RIIAD1: variants seen among roughly 807,000 people sequenced by gnomAD.
The protein encoded by RIIAD1 is RIIa domain-containing protein 1.
Under a neutral mutation model 13.3 loss-of-function variants are expected in RIIAD1, and 15 were observed. The observed-to-expected ratio is 1.13, with a 90% CI of 0.76 to 1.74. The LOEUF (loss-of-function observed/expected upper bound fraction) is 1.74. RIIAD1 is among the 40% of genes most tolerant of loss of function. The pLI is 0.00. For missense variants in RIIAD1, 121 were observed against 112.2 expected (o/e 1.08, Z -0.35); for synonymous variants, 50 against 43.3 (o/e 1.16, Z -0.61).
At chr1:151,715,696 C>T (rs116265747) in intron 4 of RIIAD1, 90,006 of 1,539,692 alleles carry the variant, frequency 0.058, 3,076 homozygotes, top group Non-Finnish European at 0.068. Context: ...AGTCCTTCAC[C>T]GGGGTTTCCT....
chr1:151,715,795 G>C (rs114505252), intron 4 of RIIAD1: 185 of 1,593,762 alleles, frequency 1.2e-4, no homozygotes, highest in Non-Finnish European at 1.4e-4. Flanking sequence ...CTTCCCAGCC[G>C]CTCCACCCCT....
chr1:151,722,747 C>G lies in RIIAD1; in HGVS notation c.161+585C>G, dbSNP rs1368580798. Among the ~76,000 whole-genome samples, 22 of 152,268 alleles carry G rather than the reference C, an allele frequency of 1.4e-4. 1 individual carries two copies. The East Asian group carries it at 4.2e-3, about 29-fold the overall frequency. On this transcript the variant is annotated intron_variant, in intron 2 of 4. Coordinates refer to ENST00000479191, the MANE Select transcript of RIIAD1 (RefSeq NM_001144956.3). ...ACCCATCTCCAGGCATTGTGCTGTT[C>G]CCCTACATTAGCACTTACCACACTG...
At chr1:151,719,928 G>A (rs1673706120), upstream of RIIAD1, among the ~76,000 whole-genome samples, 1 of 152,162 alleles carries the variant, frequency 6.6e-6, no homozygotes, top group Non-Finnish European at 1.5e-5. Flanking sequence ...TGAGTGTGTA[G>A]GTTTGCTGGT....
upstream of RIIAD1, among the ~76,000 whole-genome samples, chr1:151,717,982 G>A (rs937248080): frequency 6.6e-6 from 1 of 152,054 alleles, no homozygotes; most frequent in African/African-American, 2.4e-5. Flanking sequence ...CTTTCTGTCA[G>A]TGCTCAGCAA....
At chr1:151,714,301 C>T (rs1450969769) in intron 3 of RIIAD1, 1 of 580,342 alleles carries the variant, frequency 1.7e-6, no homozygotes. Context: ...CACCTTCCAA[C>T]CAGCGAGTCC....
intron 2 of RIIAD1, among the ~76,000 whole-genome samples, chr1:151,724,374 C>T (rs1196427291): frequency 1.3e-5 from 2 of 152,222 alleles, no homozygotes; most frequent in Non-Finnish European, 2.9e-5. Context: ...TGTTTGGTGT[C>T]ATTGTTCCCT....
chr1:151,715,855 T>G lies in RIIAD1; in HGVS notation c.21+1326T>G, dbSNP rs746905068. On this transcript the variant is annotated intron_variant, in intron 4 of 8. Coordinates refer to the RIIAD1 transcript ENST00000326413. ...CCTCCCAGCCCACCCCGAAGCCTCT[T>G]CAGCCTGCCCGACCCCTCACCCTTG... is the stretch of plus-strand genomic sequence containing the variant. 5.0e-6 allele frequency: 8 copies of G among 1,606,470 alleles called. No individual in the cohort carries two copies. The South Asian group carries it at 8.9e-5, about 18-fold the overall frequency.
At chr1:151,717,740 T>G (rs1673592712), upstream of RIIAD1, among the ~76,000 whole-genome samples, 1 of 152,240 alleles carries the variant, frequency 6.6e-6, no homozygotes, top group Non-Finnish European at 1.5e-5. Flanking sequence ...TGCTTCTTTC[T>G]TCAGTTGGGT....
chr1:151,721,826 A>G (rs1285125371), intron 1 of RIIAD1: 2 of 578,138 alleles, frequency 3.5e-6, no homozygotes, highest in East Asian at 5.6e-5. Context: ...GAGTGCAGGA[A>G]GAACTAACTC....
intron 2 of RIIAD1, among the ~76,000 whole-genome samples, chr1:151,724,717 G>C (rs558229059): frequency 6.6e-6 from 1 of 152,256 alleles, no homozygotes; most frequent in South Asian, 2.1e-4. Context: ...GAAAGAGTAG[G>C]AATCTGACTT....
At chr1:151,717,594 T>A (rs1286225360), upstream of RIIAD1, among the ~76,000 whole-genome samples, 1 of 152,228 alleles carries the variant, frequency 6.6e-6, no homozygotes, top group African/African-American at 2.4e-5. Context: ...CCTGTCTTGC[T>A]CATGCGTAGC....
chr1:151,718,980 C>T (rs914106070), upstream of RIIAD1, among the ~76,000 whole-genome samples: 7 of 152,168 alleles, frequency 4.6e-5, no homozygotes, highest in African/African-American at 1.7e-4. Context: ...TGCCGCCCTG[C>T]TGCTCATTCA....
chr1:151,715,912 T>C, intron 4 of RIIAD1: 2 of 1,614,076 alleles, frequency 1.2e-6, no homozygotes, highest in Non-Finnish European at 1.7e-6. Context: ...TTGATGACAG[T>C]CAGCTCAAAG....
chr1:151,719,609 G>A (rs1298073123), upstream of RIIAD1: 1 of 702,816 alleles, frequency 1.4e-6, no homozygotes. Context: ...GAAGACATCT[G>A]CAGCAGAATT....
At chr1:151,716,854 A>G (rs1362055653), upstream of RIIAD1, 2 of 435,044 alleles carry the variant, frequency 4.6e-6, no homozygotes, top group Non-Finnish European at 9.4e-6. Context: ...CCCTGACATC[A>G]GTGATGTCAG....
intron 4 of RIIAD1, chr1:151,715,696 CG>C: frequency 6.5e-7 from 1 of 1,539,812 alleles, no homozygotes; most frequent in Non-Finnish European, 8.7e-7. Context: ...AGTCCTTCAC[CG>C]GGGTTTCCTG....
At chr1:151,717,631 A>G (rs1673583889), upstream of RIIAD1, among the ~76,000 whole-genome samples, 1 of 152,168 alleles carries the variant, frequency 6.6e-6, no homozygotes, top group Non-Finnish European at 1.5e-5. Flanking sequence ...CTCCATGCAA[A>G]CAACCTCTGA....
chr1:151,719,623 G>A (rs945591586), upstream of RIIAD1: 2 of 702,864 alleles, frequency 2.8e-6, no homozygotes, highest in Admixed American at 2.0e-5. Flanking sequence ...CAGAATTTAT[G>A]AGAGTGCACA....
At chr1:151,716,098 A>G in intron 4 of RIIAD1, 1 of 1,458,688 alleles carries the variant, frequency 6.9e-7, no homozygotes, top group Admixed American at 2.4e-5. Context: ...GCAAGGAGAT[A>G]AGTGGTGGGG....
Sources: gnomAD v4.1 joint callset for allele counts (sites outside exome capture counted in the v4.1 genomes callset) on GRCh38, gnomAD v4.1.1 for gene constraint, MANE v1.5 for transcripts, NCBI Gene and HGNC (gene_info 2026-07-23, HGNC 2026-07-21) for gene names.